The following ARHGAP42 variants were observed in gnomAD, a reference collection of about 807,000 sequenced individuals.
ARHGAP42 encodes rho GTPase-activating protein 42.
A neutral mutation model predicts 125.0 loss-of-function variants in ARHGAP42; 63 were observed. The observed-to-expected ratio is 0.50, with a 90% CI of 0.41 to 0.62. The LOEUF (loss-of-function observed/expected upper bound fraction) is 0.62. Among genes scored for constraint, ARHGAP42 ranks in the 20% least tolerant of loss-of-function variants. The pLI is 0.00. For missense variants in ARHGAP42, 766 were observed against 1,024.2 expected, an observed-to-expected ratio of 0.75 and a Z score of 3.44; for synonymous variants, 339 against 351.0, an observed-to-expected ratio of 0.97 and a Z score of 0.38.
At chr11:100,878,254 G>A (rs982407154) in intron 4 of ARHGAP42, among the ~76,000 whole-genome samples, 20 of 151,648 alleles carry the variant, frequency 1.3e-4, no homozygotes, top group African/African-American at 4.4e-4. Context: ...TCAGCCTCCC[G>A]AGTAGCTGGG....
At chr11:100,895,969 C>A (rs991596904) in intron 4 of ARHGAP42, among the ~76,000 whole-genome samples, 1 of 151,944 alleles carries the variant, frequency 6.6e-6, no homozygotes, top group Admixed American at 6.6e-5. Flanking sequence ...TAGGTATTTC[C>A]CCTAATGCTA....
intron 1 of ARHGAP42, among the ~76,000 whole-genome samples, chr11:100,706,707 G>A (rs566377102): frequency 1.3e-5 from 2 of 152,112 alleles, no homozygotes; most frequent in Non-Finnish European, 2.9e-5. Flanking sequence ...TAATTTTATG[G>A]GAATGCCTTC....
At chr11:100,978,546 TA>T (rs555995275) in intron 21 of ARHGAP42, among the ~76,000 whole-genome samples, 1 of 151,450 alleles carries the variant, frequency 6.6e-6, no homozygotes, top group Non-Finnish European at 1.5e-5. Context: ...GTTCACATAT[TA>T]AAAAAATACA....
intron 5 of ARHGAP42, among the ~76,000 whole-genome samples, chr11:100,919,522 T>A (rs1387478421): frequency 6.6e-6 from 1 of 152,096 alleles, no homozygotes; most frequent in Non-Finnish European, 1.5e-5. Context: ...CATTCTAGTT[T>A]GTTCCCATGT....
rs1392028327 is a variant in ARHGAP42 at position 100,933,185 on chromosome 11, T to C, written c.627T>C (p.Thr209=). The C allele has an allele frequency of 2.6e-6, 4 of 1,550,134 alleles. No homozygotes were observed. The highest frequency in any genetic ancestry group is 3.5e-6 in the Non-Finnish European group (4 of 1,146,660). ...TGTCATTTCTTCAGGGCTTATTTAC[T>C]TTTTACCATGAGGGATATGAACTTG... is the stretch of plus-strand genomic sequence containing the variant. ...PLLSFLQGLF[T]FYHEGYELAQ... Residue 209 remains threonine (T), a synonymous_variant, in exon 7 of 24, where the codon ACT becomes ACC. Transcript: ENST00000298815.
chr11:100,925,873 A>G (rs1867406644), intron 6 of ARHGAP42, among the ~76,000 whole-genome samples: 1 of 151,824 alleles, frequency 6.6e-6, no homozygotes, highest in Admixed American at 6.6e-5. Context: ...GTGTAGGTCT[A>G]TGATGGGGGA....
At chr11:100,820,076 A>G (rs907440890) in intron 3 of ARHGAP42, among the ~76,000 whole-genome samples, 4 of 152,186 alleles carry the variant, frequency 2.6e-5, no homozygotes, top group African/African-American at 9.6e-5. Flanking sequence ...AAGGTAAAGC[A>G]TAATAAAGGC....
At chr11:100,860,630 T>C (rs1395974712) in intron 4 of ARHGAP42, among the ~76,000 whole-genome samples, 1 of 152,142 alleles carries the variant, frequency 6.6e-6, no homozygotes, top group African/African-American at 2.4e-5. Context: ...TACCCTTTAC[T>C]TTTTGAAGTC....
In ARHGAP42 at chr11:100,962,484, C is replaced by T. The variant is rs1857980884; in HGVS notation, c.1444+17C>T. ...TTGCTGTTAGTAAGTATACTTGCATCATATACACATTATAATTGATGTAGT... is the reference window on the plus strand; with the variant it reads ...TTGCTGTTAGTAAGTATACTTGCATTATATACACATTATAATTGATGTAGT... On this transcript the variant is annotated intron_variant, in intron 16 of 23. Coordinates refer to ENST00000298815, the MANE Select transcript of ARHGAP42 (RefSeq NM_152432.4). The T allele has an allele frequency of 8.5e-6, 13 of 1,528,210 alleles. No individual in the cohort carries two copies. The highest frequency in any genetic ancestry group is 1.2e-5 in the Non-Finnish European group (13 of 1,126,426). The allele number at this position is 1,528,210 out of a possible 1,614,324, so 94.7% of individuals were successfully genotyped here.
At chr11:100,897,935 G>C (rs780884707) in intron 4 of ARHGAP42, among the ~76,000 whole-genome samples, 3 of 152,150 alleles carry the variant, frequency 2.0e-5, no homozygotes, top group African/African-American at 7.2e-5. Context: ...CAAAGGGAAT[G>C]TTTCCAGTTT....
Position 100,795,086 on chromosome 11 carries a change from T to A in ARHGAP42, c.251-19T>A, listed in dbSNP as rs1037094696. Reference sequence around the variant, plus strand: ...TATGAAAATATTAATTCTTTGCATTTTTTTATCTTTCCAAACAGCTCAGTC... The same window carrying A: ...TATGAAAATATTAATTCTTTGCATTATTTTATCTTTCCAAACAGCTCAGTC... On this transcript the variant is annotated intron_variant, in intron 2 of 23. Coordinates refer to ENST00000298815, the MANE Select transcript of ARHGAP42 (RefSeq NM_152432.4). 8 of 1,524,306 alleles carry A rather than the reference T, an allele frequency of 5.2e-6. No homozygotes were observed. The highest frequency in any genetic ancestry group is 6.2e-6 in the Non-Finnish European group (7 of 1,134,890). The allele number at this position is 1,524,306 out of a possible 1,614,324, so 94.4% of individuals were successfully genotyped here. A position where few individuals can be genotyped will look rare whatever the true frequency, so the allele number is the denominator to read the frequency against.
Position 100,976,807 on chromosome 11 carries a change from C to CT in ARHGAP42, c.2237-3dup. 1 of 1,549,360 alleles carries CT rather than the reference C, an allele frequency of 6.5e-7. No homozygotes were observed. Among genetic ancestry groups the CT allele is most frequent in the Non-Finnish European group, 8.7e-7 (1 of 1,146,436 alleles). On this transcript the variant is annotated splice_polypyrimidine_tract_variant and splice_region_variant and intron_variant, in intron 20 of 23. Transcript: ENST00000298815. ...CACCTTGCCTATTTTCTTGGGCTTT[C>CT]TTTTTAGGAAACAAGAGCTACAGTG...
intron 3 of ARHGAP42, among the ~76,000 whole-genome samples, chr11:100,818,718 T>C (rs1864331357): frequency 6.6e-6 from 1 of 152,210 alleles, no homozygotes; most frequent in South Asian, 2.1e-4. Flanking sequence ...TGGTACCTTC[T>C]ATCTGATTCG....
At chr11:100,968,948 G>A (rs1858169382) in intron 17 of ARHGAP42, among the ~76,000 whole-genome samples, 1 of 151,090 alleles carries the variant, frequency 6.6e-6, no homozygotes, top group Admixed American at 6.6e-5. Context: ...TTTTTTGTGT[G>A]TGTTTGTTTG....
chr11:100,755,020 A>G (rs916026541), intron 1 of ARHGAP42, among the ~76,000 whole-genome samples: 3 of 152,236 alleles, frequency 2.0e-5, no homozygotes, highest in African/African-American at 7.2e-5. Context: ...GCCTTTAAAT[A>G]CTAGGCCCAA....
rs187285530 is a variant in ARHGAP42, at chr11:100,757,007, A to G, written c.155-13336A>G. ...ATAATACTTTAAACATAAGATGCATATCTTCTTTAAAGACATTTATGGATT... is the reference window on the plus strand; with the variant it reads ...ATAATACTTTAAACATAAGATGCATGTCTTCTTTAAAGACATTTATGGATT... On this transcript the variant is annotated intron_variant, in intron 1 of 23. Transcript: ENST00000298815. Among the ~76,000 whole-genome samples, 347 of 152,346 alleles carry G rather than the reference A, an allele frequency of 2.3e-3. 6 individuals are homozygous for G. The highest frequency in any genetic ancestry group is 3.7e-3 in the East Asian group (19 of 5,192).
At position 100,789,389 on chromosome 11, in the gene ARHGAP42, G is replaced by T. The variant is rs187195507; in HGVS notation, c.251-5716G>T. ...GTGTCAGGTTCCAGCCTAAGCTGAG[G>T]ACCGAGGGGAGTGGGTGGATGAGTG... On this transcript the variant is annotated intron_variant, in intron 2 of 23. Transcript: ENST00000298815. Among the ~76,000 whole-genome samples the T allele has an allele frequency of 2.1e-3, 322 of 152,330 alleles. 5 individuals carry two copies. Among genetic ancestry groups the T allele is most frequent in the East Asian group, 0.015 (77 of 5,182 alleles).
At chr11:100,853,723 T>G (rs1432846893) in intron 3 of ARHGAP42, among the ~76,000 whole-genome samples, 1 of 152,150 alleles carries the variant, frequency 6.6e-6, no homozygotes, top group African/African-American at 2.4e-5. Context: ...GATGGTTTTA[T>G]TTAAAAAATA....
chr11:100,756,093 A>G (rs1336238969), intron 1 of ARHGAP42, among the ~76,000 whole-genome samples: 1 of 152,046 alleles, frequency 6.6e-6, no homozygotes, highest in African/African-American at 2.4e-5. Flanking sequence ...GTCTTACAAT[A>G]TATCGTCTTT....
Sources: allele counts gnomAD v4.1 joint callset (sites outside exome capture counted in the v4.1 genomes callset), GRCh38; gene constraint gnomAD v4.1.1; transcripts MANE v1.5; gene names NCBI Gene and HGNC (gene_info 2026-07-23, HGNC 2026-07-21).